Variants in LRPPRC observed in about 807,000 individuals in gnomAD.
LRPPRC encodes the protein leucine rich pentatricopeptide repeat containing, also known as leucine-rich PPR motif-containing protein, mitochondrial.
In LRPPRC, 120 loss-of-function variants were observed where a neutral mutation model predicts 180.3. The observed-to-expected ratio is 0.67, with a 90% CI of 0.57 to 0.77. The LOEUF is 0.77. Ranked by LOEUF, LRPPRC falls within the 30% of genes least tolerant of loss-of-function variation. The pLI is 0.00. For missense variants in LRPPRC, 2,012 were observed against 1,657.2 expected, an observed-to-expected ratio of 1.21 and a Z score of -3.72; for synonymous variants, 723 against 600.0, an observed-to-expected ratio of 1.21 and a Z score of -3.00.
chr2:43,979,298 C>T (rs116453046), intron 3 of LRPPRC, among the ~76,000 whole-genome samples: 113 of 152,122 alleles, frequency 7.4e-4, no homozygotes, highest in Non-Finnish European at 1.3e-3. Context: ...TGGTCTACAC[C>T]TTAATTTTTA....
At chr2:43,990,285 A>T (rs1674716953) in intron 1 of LRPPRC, among the ~76,000 whole-genome samples, 1 of 151,946 alleles carries the variant, frequency 6.6e-6, no homozygotes, top group Admixed American at 6.6e-5. Context: ...CCCCAAATCT[A>T]CTTTTCTTAA....
chr2:43,905,752 G>A lies in LRPPRC; in HGVS notation c.3304C>T (p.Leu1102=). ...FAETHIKGFT[L]NDAANSRLII... ...AGGCGGCTGTTGGCAGCATCGTTCAGTGTGAAGCCCTTGATGTGGGTCTCC... is the reference window on the plus strand; with the variant it reads ...AGGCGGCTGTTGGCAGCATCGTTCAATGTGAAGCCCTTGATGTGGGTCTCC... The change falls in exon 31 of 38, where the codon CTG becomes TTG. Residue 1102 remains leucine, a synonymous_variant. Coordinates refer to ENST00000260665, the MANE Select transcript of LRPPRC (RefSeq NM_133259.4). 2 of 1,613,752 alleles carry A rather than the reference G, an allele frequency of 1.2e-6. No individual in the cohort carries two copies. Among genetic ancestry groups the A allele is most frequent in the Non-Finnish European group, 1.7e-6 (2 of 1,179,616 alleles).
At chr2:43,899,886 AAAC>A (rs1367303936) in intron 32 of LRPPRC, among the ~76,000 whole-genome samples, 1 of 152,252 alleles carries the variant, frequency 6.6e-6, no homozygotes, top group Non-Finnish European at 1.5e-5. Flanking sequence ...AGACAAGATC[AAAC>A]AACTATATAC....
rs752312060 is a variant in LRPPRC, at chr2:43,948,209, G to C, written c.1843-10C>G. The C allele has an allele frequency of 3.4e-6, 5 of 1,468,404 alleles. No individual in the cohort carries two copies. In the African/African-American group the frequency reaches 7.0e-5, roughly 20 times the overall value. 91.0% of individuals were successfully genotyped at this position (1,468,404 alleles called of 1,614,324 possible). A position where few individuals can be genotyped will look rare whatever the true frequency, so the allele number is the denominator to read the frequency against. On this transcript the variant is annotated splice_polypyrimidine_tract_variant and intron_variant, in intron 17 of 37. Coordinates refer to ENST00000260665, the MANE Select transcript of LRPPRC (RefSeq NM_133259.4). ...CAGGAATTTTTACATTCTGTGAGAA[G>C]GGAAGGGAGGGGGGAAAAAACCTGA...
intron 1 of LRPPRC, among the ~76,000 whole-genome samples, chr2:43,993,167 T>C (rs1674862760): frequency 1.3e-5 from 2 of 152,012 alleles, no homozygotes; most frequent in African/African-American, 4.8e-5. Flanking sequence ...AAAAAGTGGA[T>C]TTGGTAATTA....
At chr2:43,992,634 G>C (rs1253945681) in intron 1 of LRPPRC, among the ~76,000 whole-genome samples, 1 of 152,188 alleles carries the variant, frequency 6.6e-6, no homozygotes, top group African/African-American at 2.4e-5. Context: ...CATTCCAAAT[G>C]AAGCAGATCT....
At chr2:43,947,111 T>C (rs1453223870) in intron 20 of LRPPRC, 146 bp downstream of exon 20, 2 of 562,696 alleles carry the variant, frequency 3.6e-6, no homozygotes, top group Non-Finnish European at 6.3e-6. Flanking sequence ...TAGCTGAAAT[T>C]AGTTAACCTT....
chr2:43,994,848 T>G (rs982823684), intron 1 of LRPPRC, among the ~76,000 whole-genome samples: 2 of 152,172 alleles, frequency 1.3e-5, no homozygotes, highest in African/African-American at 4.8e-5. Flanking sequence ...CCTCAAACCA[T>G]GAGAGCATTT....
At chr2:43,938,360 T>C (rs1000460313) in intron 23 of LRPPRC, among the ~76,000 whole-genome samples, 1 of 152,168 alleles carries the variant, frequency 6.6e-6, no homozygotes, top group African/African-American at 2.4e-5. Flanking sequence ...GAAATAAAGG[T>C]AAAATTGAGG....
chr2:43,965,342 A>G (rs947345968), intron 11 of LRPPRC, among the ~76,000 whole-genome samples: 1 of 152,120 alleles, frequency 6.6e-6, no homozygotes, highest in Admixed American at 6.5e-5. Context: ...TACAGGCATG[A>G]GCCACCACGC....
intron 1 of LRPPRC, among the ~76,000 whole-genome samples, chr2:43,987,373 T>C (rs777094641): frequency 1.6e-4 from 24 of 149,878 alleles, no homozygotes; most frequent in Admixed American, 2.7e-4. Context: ...CGGGCGCCTA[T>C]AGTCCCAGCT....
rs545733790 is a variant in LRPPRC at position 43,976,826 on chromosome 2, C to T, written c.650+168G>A. On this transcript the variant is annotated intron_variant, in intron 5 of 37. Coordinates refer to ENST00000260665, the MANE Select transcript of LRPPRC (RefSeq NM_133259.4). ...TTTTACTTATCTTTTCTCTCTTACA[C>T]GATAATTTTATATTTTATGTAAGTC... Among the ~76,000 whole-genome samples the T allele has an allele frequency of 4.6e-5, 7 of 151,824 alleles. No homozygotes were observed. In the South Asian group the frequency reaches 1.2e-3, roughly 27 times the overall value.
chr2:43,959,094 AAG>A, intron 13 of LRPPRC: 1 of 640,508 alleles, frequency 1.6e-6, no homozygotes, highest in Admixed American at 2.6e-5. Context: ...CTGAAAAATC[AAG>A]AGGTTGACAA....
rs193219325 is a variant in LRPPRC, at chr2:43,920,828, A to G, written c.2897-2430T>C. Among the ~76,000 whole-genome samples, 264 of 152,304 alleles carry G rather than the reference A, an allele frequency of 1.7e-3. 1 individual carries two copies. Among genetic ancestry groups the G allele is most frequent in the Admixed American group, 6.7e-3 (103 of 15,298 alleles). On this transcript the variant is annotated intron_variant, in intron 27 of 37. Transcript: ENST00000260665. ...ACAATACTGCTAAGGACCTTTAAAA[A>G]GGGATTAGTTATTCTAAACAATAAA...
Position 43,973,780 on chromosome 2 carries a change from T to A in LRPPRC, c.1261+15A>T, listed in dbSNP as rs1223934327. The stretch of plus-strand genomic sequence containing the variant: ...AAAACTTCCTTACTTGGCTTTAACT[T>A]TAAGAATGTAGTACCAGTTTTATTG... On this transcript the variant is annotated intron_variant, in intron 10 of 37. Coordinates refer to ENST00000260665, the MANE Select transcript of LRPPRC (RefSeq NM_133259.4). 11 of 1,608,020 alleles carry A rather than the reference T, an allele frequency of 6.8e-6. No individual in the cohort carries two copies. Among genetic ancestry groups the A allele is most frequent in the Non-Finnish European group, 9.4e-6 (11 of 1,174,466 alleles).
chr2:43,961,089 T>C (rs1019002145), intron 12 of LRPPRC, among the ~76,000 whole-genome samples: 7 of 152,224 alleles, frequency 4.6e-5, no homozygotes, highest in African/African-American at 7.2e-5. Flanking sequence ...TGAATCATTT[T>C]ATTATAGTAT....
chr2:43,995,462 G>A (rs1249981761), intron 1 of LRPPRC, among the ~76,000 whole-genome samples: 1 of 152,200 alleles, frequency 6.6e-6, no homozygotes, highest in Non-Finnish European at 1.5e-5. Context: ...CAAGTGTAAG[G>A]AAAAGACCAC....
intron 13 of LRPPRC, chr2:43,958,881 A>G: frequency 4.1e-6 from 1 of 242,164 alleles, no homozygotes; most frequent in Non-Finnish European, 7.9e-6. Context: ...CTGACAGGAA[A>G]AGCTCAAATA....
Position 43,887,164 on chromosome 2 carries a change from A to AAAAAAAAAAAAAAAAAAAAAT in LRPPRC, c.*1435_*1436insATTTTTTTTTTTTTTTTTTTT. On this transcript the variant is annotated 3_prime_UTR_variant, in exon 38 of 38. Transcript: ENST00000260665. The stretch of plus-strand genomic sequence containing the variant: ...ATCTCAAAAAAAAAAAAAAAAAAAA[A>AAAAAAAAAAAAAAAAAAAAAT]GATGCTTTTGGCAAACCTGTAACAT... 6.7e-6 allele frequency: 1 copy of AAAAAAAAAAAAAAAAAAAAAT among 148,846 alleles called. No individual in the cohort carries two copies. Among genetic ancestry groups the AAAAAAAAAAAAAAAAAAAAAT allele is most frequent in the East Asian group, 1.9e-4 (1 of 5,176 alleles). 9.2% of individuals were successfully genotyped at this position (148,846 alleles called of 1,614,324 possible). A position where few individuals can be genotyped will look rare whatever the true frequency, so the allele number is the denominator to read the frequency against.
Sources: allele counts gnomAD v4.1 joint callset (sites outside exome capture counted in the v4.1 genomes callset), GRCh38; gene constraint gnomAD v4.1.1; transcripts MANE v1.5; gene names NCBI Gene and HGNC (gene_info 2026-07-23, HGNC 2026-07-21).